The following HOMER2 variants were observed in gnomAD, a reference collection of about 807,000 sequenced individuals.
The protein encoded by HOMER2 is homer scaffold protein 2.
HOMER2 carries 27 observed loss-of-function variants against 47.0 expected under a neutral mutation model. That is an observed-to-expected ratio of 0.57 (90% CI 0.42 to 0.79). HOMER2 has a LOEUF of 0.79. Ranked by LOEUF, HOMER2 falls within the 30% of genes least tolerant of loss-of-function variation. The pLI is 0.00. For synonymous variants in HOMER2, 161 were observed against 163.8 expected (o/e 0.98, Z 0.13); for missense variants, 443 against 435.0 (o/e 1.02, Z -0.16).
chr15:82,874,172 G>A (rs575637165), intron 3 of HOMER2, among the ~76,000 whole-genome samples: 4 of 152,300 alleles, frequency 2.6e-5, no homozygotes, highest in Admixed American at 2.0e-4. Flanking sequence ...GCAGAGGCTG[G>A]GTCAGCACTT....
intron 3 of HOMER2, among the ~76,000 whole-genome samples, chr15:82,874,360 T>C (rs1016358963): frequency 6.6e-6 from 1 of 152,198 alleles, no homozygotes; most frequent in Non-Finnish European, 1.5e-5. Context: ...AACTAGTCAG[T>C]CTTACCTTAA....
At chr15:82,865,068 G>T (rs935784295) in intron 3 of HOMER2, among the ~76,000 whole-genome samples, 13 of 152,240 alleles carry the variant, frequency 8.5e-5, no homozygotes, top group African/African-American at 3.1e-4. Flanking sequence ...GCCGACAACA[G>T]TGGTCTACTT....
chr15:82,855,063 G>A (rs930170423), intron 5 of HOMER2, among the ~76,000 whole-genome samples: 2 of 152,118 alleles, frequency 1.3e-5, no homozygotes, highest in Non-Finnish European at 2.9e-5. Context: ...TGGGCCGGAC[G>A]CAGTGGCTCA....
intron 1 of HOMER2, among the ~76,000 whole-genome samples, chr15:82,976,487 A>C (rs944448235): frequency 1.3e-5 from 2 of 151,804 alleles, no homozygotes; most frequent in African/African-American, 2.4e-5. Context: ...TGGTAGACAC[A>C]GGGTTTTGCC....
intron 2 of HOMER2, among the ~76,000 whole-genome samples, chr15:82,880,400 T>G (rs1321357581): frequency 6.6e-6 from 1 of 152,200 alleles, no homozygotes; most frequent in Non-Finnish European, 1.5e-5. Context: ...AGAGTGGTGA[T>G]CTCTTGAGGA....
At chr15:82,952,333 C>A (rs1040626694) in intron 1 of HOMER2, among the ~76,000 whole-genome samples, 198 bp downstream of exon 1, 5 of 152,110 alleles carry the variant, frequency 3.3e-5, no homozygotes, top group African/African-American at 1.2e-4. Flanking sequence ...CCAGGGTGCC[C>A]CTGCTGGGTG....
At chr15:82,873,299 T>A (rs577845690) in intron 3 of HOMER2, among the ~76,000 whole-genome samples, 15 of 152,154 alleles carry the variant, frequency 9.9e-5, no homozygotes, top group African/African-American at 3.4e-4. Flanking sequence ...CCAGAATAGA[T>A]ACTGTGGACC....
intron 1 of HOMER2, among the ~76,000 whole-genome samples, chr15:82,929,677 CAAAG>C: frequency 7.5e-6 from 1 of 132,456 alleles, no homozygotes; most frequent in Admixed American, 7.7e-5. Context: ...AAAAAAAAAT[CAAAG>C]GAAGCCTCGG....
At chr15:82,956,425 A>C (rs1327573657), upstream of HOMER2, among the ~76,000 whole-genome samples, 5 of 152,112 alleles carry the variant, frequency 3.3e-5, no homozygotes, top group Admixed American at 3.3e-4. Flanking sequence ...GCATGGGTGA[A>C]GTATGCAGGG....
At chr15:82,964,795 A>C (rs1200410667) in intron 1 of HOMER2, among the ~76,000 whole-genome samples, 1 of 152,050 alleles carries the variant, frequency 6.6e-6, no homozygotes, top group Non-Finnish European at 1.5e-5. Context: ...AACAAAACAA[A>C]ATTTCTGAAA....
chr15:82,836,326 G>A (rs540597864), downstream of HOMER2, among the ~76,000 whole-genome samples: 12 of 152,276 alleles, frequency 7.9e-5, no homozygotes, highest in South Asian at 2.5e-3. Flanking sequence ...ACCTCTCCCT[G>A]GCTTTCCAGC....
In HOMER2 at chr15:82,854,682, A is replaced by C. The variant is rs1450934084; in HGVS notation, c.613T>G (p.Ser205Ala). The C allele has an allele frequency of 3.7e-6, 6 of 1,612,986 alleles. No homozygotes were observed. Among genetic ancestry groups the C allele is most frequent in the Admixed American group, 1.7e-5 (1 of 59,992 alleles). The change falls in exon 6 of 9, where the codon TCC becomes GCC. Residue 205 changes from serine (S) to alanine (A), a missense_variant. Coordinates refer to ENST00000450735, the MANE Select transcript of HOMER2 (RefSeq NM_004839.4). ...ASVEQWKRQF[S>A]ICRDENDRLR... ...CGGTCATTCTCATCACGGCAGATGGAGAACTGCCTCTTCCACTGCTCCACA... is the reference window on the plus strand; with the variant it reads ...CGGTCATTCTCATCACGGCAGATGGCGAACTGCCTCTTCCACTGCTCCACA...
chr15:82,843,930 G>T (rs1596295332), exon 2 of HOMER2: 2 of 152,146 alleles, frequency 1.3e-5, no homozygotes. Flanking sequence ...AACACCTAAG[G>T]TTTATTTTTT....
At chr15:82,927,653 G>A (rs1377562838) in intron 1 of HOMER2, among the ~76,000 whole-genome samples, 2 of 152,184 alleles carry the variant, frequency 1.3e-5, no homozygotes, top group Admixed American at 1.3e-4. Context: ...CTGCGTGAAT[G>A]GAGGAGCAAA....
chr15:82,870,459 G>A (rs567451538), intron 3 of HOMER2, among the ~76,000 whole-genome samples: 2 of 152,150 alleles, frequency 1.3e-5, no homozygotes, highest in South Asian at 2.1e-4. Flanking sequence ...AGGAAAGGCC[G>A]ATAAAAGAAA....
At chr15:82,984,753 C>A (rs757994713) in intron 1 of HOMER2, among the ~76,000 whole-genome samples, 2 of 152,168 alleles carry the variant, frequency 1.3e-5, no homozygotes, top group African/African-American at 2.4e-5. Context: ...GAAGTCGAGG[C>A]TGCAGTATGC....
At chr15:82,893,477 C>A (rs944693993) in intron 1 of HOMER2, among the ~76,000 whole-genome samples, 5 of 151,710 alleles carry the variant, frequency 3.3e-5, no homozygotes, top group African/African-American at 9.7e-5. Context: ...GGATTACAGG[C>A]GTGTGCCACT....
intron 5 of HOMER2, among the ~76,000 whole-genome samples, chr15:82,855,475 C>G (rs1400700315): frequency 1.3e-5 from 2 of 152,188 alleles, no homozygotes; most frequent in Non-Finnish European, 2.9e-5. Context: ...ATGGGTGGAC[C>G]GGGTGACCTT....
At chr15:82,938,234 C>T (rs1336919385) in intron 1 of HOMER2, among the ~76,000 whole-genome samples, 1 of 152,104 alleles carries the variant, frequency 6.6e-6, no homozygotes, top group African/African-American at 2.4e-5. Context: ...ATTAACCGGG[C>T]GTGGTGGTAC....
Sources: allele counts gnomAD v4.1 joint callset (sites outside exome capture counted in the v4.1 genomes callset), GRCh38; gene constraint gnomAD v4.1.1; transcripts MANE v1.5; gene names NCBI Gene and HGNC (gene_info 2026-07-23, HGNC 2026-07-21).